Variants in RAX2 observed in about 807,000 individuals in gnomAD.
RAX2 encodes retina and anterior neural fold homeobox protein 2.
RAX2 carries 4 observed loss-of-function variants against 5.8 expected under a neutral mutation model. The ratio of observed to expected loss-of-function variants is 0.69; its 90% CI spans 0.34 to 1.58. RAX2 has a LOEUF of 1.58. Ranked by LOEUF, RAX2 falls within the 40% of genes most tolerant of loss-of-function variation. RAX2 has a pLI of 0.05. For synonymous variants in RAX2, 133 were observed against 128.8 expected (o/e 1.03, Z -0.22); for missense variants, 275 against 271.4 (o/e 1.01, Z -0.09).
Position 3,770,631 on chromosome 19 carries a change from G to T in RAX2, c.545C>A (p.Pro182Gln), listed in dbSNP as rs1207025589. Residue 182 changes from proline (P) to glutamine (Q), a missense_variant, in exon 3 of 3, where the codon CCG (proline) becomes CAG (glutamine). Coordinates refer to ENST00000555633, the MANE Select transcript of RAX2 (RefSeq NM_001319074.4). ...EHAQALDRAW[P>Q]PA Reference sequence around the variant, plus strand: ...GGGAGGGCGGCAGGCTCAGGCTGGCGGCCAGGCCCTGTCCAGAGCCTGTGC... The same window carrying T: ...GGGAGGGCGGCAGGCTCAGGCTGGCTGCCAGGCCCTGTCCAGAGCCTGTGC... 4 of 1,533,320 alleles carry T rather than the reference G, an allele frequency of 2.6e-6. No individual in the cohort carries two copies. Among genetic ancestry groups the T allele is most frequent in the Non-Finnish European group, 3.5e-6 (4 of 1,145,966 alleles). The allele number at this position is 1,533,320 out of a possible 1,614,324, so 95.0% of individuals were successfully genotyped here.
In RAX2 at chr19:3,770,775, C is replaced by T. The variant is rs910094615; in HGVS notation, c.401G>A (p.Arg134His). 1.4e-5 allele frequency: 22 copies of T among 1,525,724 alleles called. No homozygotes were observed. Among genetic ancestry groups the T allele is most frequent in the Non-Finnish European group, 1.8e-5 (21 of 1,142,432 alleles). 94.5% of individuals were successfully genotyped at this position (1,525,724 alleles called of 1,614,324 possible). A position where few individuals can be genotyped will look rare whatever the true frequency, so the allele number is the denominator to read the frequency against. Residue 134 changes from arginine (R) to histidine (H), a missense_variant, in exon 3 of 3, where the codon CGC becomes CAC. Arg to His is a conservative substitution (Grantham distance 29, BLOSUM62 0). Transcript: ENST00000555633. The part of the protein sequence containing the change: ...PGPPAVPGLP[R>H]LLGPGPGLQA... ...CAGCCCCGGGCCCGGGCCCAGGAGG[C>T]GGGGGAGGCCTGGCACGGCCGGCGG...
In RAX2 at chr19:3,770,849, G is replaced by A. The variant is rs1273209818; in HGVS notation, c.327C>T (p.Ala109=). 2.6e-6 allele frequency: 4 copies of A among 1,528,556 alleles called. No individual in the cohort carries two copies. In the South Asian group the frequency reaches 3.6e-5, roughly 14 times the overall value. The allele number at this position is 1,528,556 out of a possible 1,614,324, so 94.7% of individuals were successfully genotyped here. ...RLPEAPALPF[A]RPPAMSLPLE... ...GGGGCAGCGACATGGCCGGGGGGCG[G>A]GCGAACGGCAGCGCTGGGGCCTCGG... Residue 109 remains alanine (A), a synonymous_variant, in exon 3 of 3, where the codon GCC becomes GCT. Transcript: ENST00000555633.
In RAX2 at chr19:3,771,616, CCAGCTGGTG is replaced by C; in HGVS notation, c.118_126del (p.His40_Leu42del). The C allele has an allele frequency of 6.2e-7, 1 of 1,613,214 alleles. No individual in the cohort carries two copies. Among genetic ancestry groups the C allele is most frequent in the East Asian group, 2.2e-5 (1 of 44,856 alleles). On this transcript the variant is annotated inframe_deletion, in exon 2 of 3. Coordinates refer to ENST00000555633, the MANE Select transcript of RAX2 (RefSeq NM_001319074.4). The surrounding 1 kb of genome is among the most constrained non-coding windows in gnomAD (Gnocchi z 4.2). ...TAGTGAGAGGCCTCGAACGCCCGCT[CCAGCTGGTG>C]CAGCTGGTAGGTGGTGAAGGTGGTG... is the stretch of plus-strand genomic sequence containing the variant.
chr19:3,771,907 C>T lies in RAX2; in HGVS notation c.-165G>A. 1.5e-6 allele frequency: 2 copies of T among 1,360,414 alleles called. No homozygotes were observed. The highest frequency in any genetic ancestry group is 1.5e-5 in the African/African-American group (1 of 68,358). 84.3% of individuals were successfully genotyped at this position (1,360,414 alleles called of 1,614,324 possible). A position where few individuals can be genotyped will look rare whatever the true frequency, so the allele number is the denominator to read the frequency against. On this transcript the variant is annotated 5_prime_UTR_variant, in exon 2 of 3. Coordinates refer to ENST00000555633, the MANE Select transcript of RAX2 (RefSeq NM_001319074.4). The surrounding 1 kb of genome is among the most constrained non-coding windows in gnomAD (Gnocchi z 4.2). ...CGCTCTGCATCCCCAGGCTGTCCTC[C>T]TCGGGCTTGGGGGGGTCTCCTGCTG...
chr19:3,771,592 A>ACAGGCTGTACACATCC lies in RAX2; in HGVS notation c.150_151insGGATGTGTACAGCCTG (p.Tyr51GlyfsTer13), dbSNP rs1283758565. 1 of 1,610,902 alleles carries ACAGGCTGTACACATCC rather than the reference A, an allele frequency of 6.2e-7. No homozygotes were observed. The highest frequency in any genetic ancestry group is 8.5e-7 in the Non-Finnish European group (1 of 1,178,882). On this transcript the variant is annotated frameshift_variant, in exon 2 of 3. Coordinates refer to ENST00000555633, the MANE Select transcript of RAX2 (RefSeq NM_001319074.4). LOFTEE classifies it high-confidence loss of function. This position sits in a 1 kb window ranked among gnomAD's most constrained non-coding sequence, Gnocchi z 4.2. The stretch of plus-strand genomic sequence containing the variant: ...TCCTCACGGCTGTACACATCCGGGT[A>ACAGGCTGTACACATCC]GTGAGAGGCCTCGAACGCCCGCTCC...
rs1464980540 is a variant in RAX2 at position 3,772,182 on chromosome 19, G to A, written c.-288C>T. Reference sequence around the variant, plus strand: ...ACTCACCGCCCACGGCAGCCCCTCCGTCGATTTCCACGGGACACCTGCCCC... The same window carrying A: ...ACTCACCGCCCACGGCAGCCCCTCCATCGATTTCCACGGGACACCTGCCCC... On this transcript the variant is annotated 5_prime_UTR_variant, in exon 1 of 3. In the 5' UTR this introduces an upstream ATG that the reference lacks. Transcript: ENST00000555633. The A allele has an allele frequency of 4.8e-5, 22 of 457,478 alleles. No homozygotes were observed. Among genetic ancestry groups the A allele is most frequent in the South Asian group, 2.2e-4 (14 of 64,122 alleles). The allele number at this position is 457,478 out of a possible 1,614,324, so 28.3% of individuals were successfully genotyped here.
rs992808097 is a variant in RAX2, at chr19:3,769,384, G to C, written c.*1237C>G. 9 of 152,272 alleles carry C rather than the reference G, an allele frequency of 5.9e-5. No homozygotes were observed. The highest frequency in any genetic ancestry group is 2.2e-4 in the African/African-American group (9 of 41,416). 9.4% of individuals were successfully genotyped at this position (152,272 alleles called of 1,614,324 possible). A position where few individuals can be genotyped will look rare whatever the true frequency, so the allele number is the denominator to read the frequency against. On this transcript the variant is annotated 3_prime_UTR_variant, in exon 3 of 3. Transcript: ENST00000555633. The stretch of plus-strand genomic sequence containing the variant: ...ATTACAGGCATGAGCCACCGCACCT[G>C]GCCTGGTTTAGCTTTAAAAAAAAAA...
Position 3,771,019 on chromosome 19 carries a change from C to T in RAX2, c.217-60G>A, listed in dbSNP as rs1034498169. On this transcript the variant is annotated intron_variant, in intron 2 of 2. Coordinates refer to ENST00000555633, the MANE Select transcript of RAX2 (RefSeq NM_001319074.4). This position sits in a 1 kb window ranked among gnomAD's most constrained non-coding sequence, Gnocchi z 4.2. ...AGCTCAGCCGCTCCCCGCCAATCCTCGGACCCCCTCTGCACACCCCAGCCC... is the reference window on the plus strand; with the variant it reads ...AGCTCAGCCGCTCCCCGCCAATCCTTGGACCCCCTCTGCACACCCCAGCCC... 21 of 1,339,958 alleles carry T rather than the reference C, an allele frequency of 1.6e-5. No homozygotes were observed. In the East Asian group the frequency reaches 2.8e-4, roughly 18 times the overall value. 83.0% of individuals were successfully genotyped at this position (1,339,958 alleles called of 1,614,324 possible). A position where few individuals can be genotyped will look rare whatever the true frequency, so the allele number is the denominator to read the frequency against.
chr19:3,771,604 C>T lies in RAX2; in HGVS notation c.139G>A (p.Glu47Lys), dbSNP rs201124970. 2.8e-5 allele frequency: 45 copies of T among 1,612,052 alleles called. No homozygotes were observed. Among genetic ancestry groups the T allele is most frequent in the African/African-American group, 4.0e-5 (3 of 75,038 alleles). The change falls in exon 2 of 3, where the codon GAG (glutamate) becomes AAG (lysine). Residue 47 changes from glutamate to lysine, a missense_variant. Coordinates refer to ENST00000555633, the MANE Select transcript of RAX2 (RefSeq NM_001319074.4). This position sits in a 1 kb window ranked among gnomAD's most constrained non-coding sequence, Gnocchi z 4.2. ...YQLHQLERAF[E>K]ASHYPDVYSR... ...TACACATCCGGGTAGTGAGAGGCCT[C>T]GAACGCCCGCTCCAGCTGGTGCAGC...
chr19:3,771,313 T>G lies in RAX2; in HGVS notation c.216+214A>C, dbSNP rs552874146. ...ACGCCTCCAACTTAACCCCTCCATGTCTTTGCACACACTGTTCAGGATGCC... is the reference window on the plus strand; with the variant it reads ...ACGCCTCCAACTTAACCCCTCCATGGCTTTGCACACACTGTTCAGGATGCC... On this transcript the variant is annotated intron_variant, in intron 2 of 2. Coordinates refer to ENST00000555633, the MANE Select transcript of RAX2 (RefSeq NM_001319074.4). The surrounding 1 kb of genome is among the most constrained non-coding windows in gnomAD (Gnocchi z 4.2). Among the ~76,000 whole-genome samples the G allele has an allele frequency of 1.3e-5, 2 of 152,254 alleles. No homozygotes were observed. Among genetic ancestry groups the G allele is most frequent in the East Asian group, 3.9e-4 (2 of 5,172 alleles).
At position 3,771,098 on chromosome 19, in the gene RAX2, G is replaced by A; in HGVS notation, c.217-139C>T. Reference sequence around the variant, plus strand: ...CTCCTACCTGCTGCTTCGCTGTTCTGCCCCAAGAAGATGAGGATCTCCCAA... The same window carrying A: ...CTCCTACCTGCTGCTTCGCTGTTCTACCCCAAGAAGATGAGGATCTCCCAA... On this transcript the variant is annotated intron_variant, in intron 2 of 2. Transcript: ENST00000555633. The surrounding 1 kb of genome is among the most constrained non-coding windows in gnomAD (Gnocchi z 4.2). 1.5e-6 allele frequency: 1 copy of A among 681,996 alleles called. No homozygotes were observed. The highest frequency in any genetic ancestry group is 1.8e-5 in the South Asian group (1 of 56,662). The allele number at this position is 681,996 out of a possible 1,614,324, so 42.2% of individuals were successfully genotyped here. A position where few individuals can be genotyped will look rare whatever the true frequency, so the allele number is the denominator to read the frequency against.
chr19:3,771,482 C>T lies in RAX2; in HGVS notation c.216+45G>A. 1.3e-6 allele frequency: 2 copies of T among 1,483,764 alleles called. No individual in the cohort carries two copies. The allele number at this position is 1,483,764 out of a possible 1,614,324, so 91.9% of individuals were successfully genotyped here. A position where few individuals can be genotyped will look rare whatever the true frequency, so the allele number is the denominator to read the frequency against. On this transcript the variant is annotated intron_variant, in intron 2 of 2. Transcript: ENST00000555633. This position sits in a 1 kb window ranked among gnomAD's most constrained non-coding sequence, Gnocchi z 4.2. ...GAGGGTCAGGATCTTGCTTTGCCTC[C>T]CTCCCCAGGTTGCAAAAGATGTGTG...
At position 3,770,841 on chromosome 19, in the gene RAX2, G is replaced by C. The variant is rs781281689; in HGVS notation, c.335C>G (p.Pro112Arg). Residue 112 changes from proline (P) to arginine (R), a missense_variant, in exon 3 of 3, where the codon CCG (proline) becomes CGG (arginine). By Grantham distance (103) the Pro-to-Arg change is moderately radical. Coordinates refer to ENST00000555633, the MANE Select transcript of RAX2 (RefSeq NM_001319074.4). ...EAPALPFARP[P>R]AMSLPLEPWL... The stretch of plus-strand genomic sequence containing the variant: ...GGGCTCCAGGGGCAGCGACATGGCC[G>C]GGGGGCGGGCGAACGGCAGCGCTGG... 2 of 1,526,630 alleles carry C rather than the reference G, an allele frequency of 1.3e-6. No homozygotes were observed. Among genetic ancestry groups the C allele is most frequent in the East Asian group, 2.5e-5 (1 of 40,298 alleles). 94.6% of individuals were successfully genotyped at this position (1,526,630 alleles called of 1,614,324 possible). A position where few individuals can be genotyped will look rare whatever the true frequency, so the allele number is the denominator to read the frequency against.
chr19:3,771,123 A>G lies in RAX2; in HGVS notation c.217-164T>C, dbSNP rs904547539. ...GCCCCAAGAAGATGAGGATCTCCCA[A>G]GCGTTCCCTAAGCCCAGGCTCCCCT... is the stretch of plus-strand genomic sequence containing the variant. On this transcript the variant is annotated intron_variant, in intron 2 of 2. Coordinates refer to ENST00000555633, the MANE Select transcript of RAX2 (RefSeq NM_001319074.4). The surrounding 1 kb of genome is among the most constrained non-coding windows in gnomAD (Gnocchi z 4.2). Among the ~76,000 whole-genome samples, 1 of 151,690 alleles carries G rather than the reference A, an allele frequency of 6.6e-6. No individual in the cohort carries two copies. Among genetic ancestry groups the G allele is most frequent in the Non-Finnish European group, 1.5e-5 (1 of 67,898 alleles).
Position 3,770,705 on chromosome 19 carries a change from A to G in RAX2, c.471T>C (p.Asp157=). The G allele has an allele frequency of 6.5e-7, 1 of 1,535,754 alleles. No homozygotes were observed. The highest frequency in any genetic ancestry group is 1.4e-5 in the African/African-American group (1 of 73,068). Residue 157 remains aspartate (D), a synonymous_variant, in exon 3 of 3, where the codon GAT becomes GAC. Coordinates refer to ENST00000555633, the MANE Select transcript of RAX2 (RefSeq NM_001319074.4). The part of the protein sequence containing the change: ...GPHAFAPTFA[D]GFALEEASLR... Reference sequence around the variant, plus strand: ...GGGACGCCTCCTCCAGGGCGAAGCCATCTGCGAAGGTGGGAGCAAAGGCAT... The same window carrying G: ...GGGACGCCTCCTCCAGGGCGAAGCCGTCTGCGAAGGTGGGAGCAAAGGCAT...
intron 1 of RAX2, 48 bp from the exon 2 acceptor site, chr19:3,772,058 CAAGG>C (rs2037272484): frequency 2.1e-6 from 1 of 469,642 alleles, no homozygotes; most frequent in African/African-American, 2.0e-5. Flanking sequence ...GCCCCCCCGT[CAAGG>C]AAGGCAGGAT....
Position 3,770,297 on chromosome 19 carries a change from C to G in RAX2, c.*324G>C, listed in dbSNP as rs980936242. The G allele has an allele frequency of 1.2e-5, 5 of 415,206 alleles. No homozygotes were observed. Among genetic ancestry groups the G allele is most frequent in the Non-Finnish European group, 2.1e-5 (5 of 232,634 alleles). The allele number at this position is 415,206 out of a possible 1,614,324, so 25.7% of individuals were successfully genotyped here. Reference sequence around the variant, plus strand: ...CGCAGCCCTCGAACCTCGGAGGCCCCCACGCCCAATTAACAGACAGGAGAC... The same window carrying G: ...CGCAGCCCTCGAACCTCGGAGGCCCGCACGCCCAATTAACAGACAGGAGAC... On this transcript the variant is annotated 3_prime_UTR_variant, in exon 3 of 3. Coordinates refer to ENST00000555633, the MANE Select transcript of RAX2 (RefSeq NM_001319074.4).
chr19:3,769,602 C>A lies in RAX2; in HGVS notation c.*1019G>T. 1 of 152,864 alleles carries A rather than the reference C, an allele frequency of 6.5e-6. No homozygotes were observed. The highest frequency in any genetic ancestry group is 1.5e-5 in the Non-Finnish European group (1 of 68,454). 9.5% of individuals were successfully genotyped at this position (152,864 alleles called of 1,614,324 possible). A position where few individuals can be genotyped will look rare whatever the true frequency, so the allele number is the denominator to read the frequency against. On this transcript the variant is annotated 3_prime_UTR_variant, in exon 3 of 3. Transcript: ENST00000555633. ...GCTACTGCAGCTCCTGCCCTGGTGC[C>A]GCACTTCTGTCCCGGGAGGTGGCGC... is the stretch of plus-strand genomic sequence containing the variant.
Position 3,770,514 on chromosome 19 carries a change from A to G in RAX2, c.*107T>C. 9.7e-7 allele frequency: 1 copy of G among 1,034,950 alleles called. No homozygotes were observed. The highest frequency in any genetic ancestry group is 1.4e-6 in the Non-Finnish European group (1 of 722,790). 64.1% of individuals were successfully genotyped at this position (1,034,950 alleles called of 1,614,324 possible). ...CCAGTGGTGGTGGCCTGGCCTGACC[A>G]CGGTTGCTCCATGACCTCGGCCTAG... On this transcript the variant is annotated 3_prime_UTR_variant, in exon 3 of 3. Coordinates refer to ENST00000555633, the MANE Select transcript of RAX2 (RefSeq NM_001319074.4).
Sources: allele counts gnomAD v4.1 joint callset (sites outside exome capture counted in the v4.1 genomes callset), GRCh38; gene constraint gnomAD v4.1.1; non-coding constraint Gnocchi (gnomAD v3.1); transcripts MANE v1.5; gene names NCBI Gene and HGNC (gene_info 2026-07-23, HGNC 2026-07-21).